BCR: variants seen among roughly 807,000 people sequenced by gnomAD.
The protein encoded by BCR is breakpoint cluster region protein.
In BCR, 58 loss-of-function variants were observed where a neutral mutation model predicts 138.6. The ratio of observed to expected loss-of-function variants is 0.42; its 90% CI spans 0.34 to 0.52. The LOEUF (loss-of-function observed/expected upper bound fraction) is 0.52, where lower values mean the gene tolerates loss of function less well. BCR is among the 20% of genes least tolerant of loss of function. The probability of loss-of-function intolerance (pLI) is 0.06; values close to 1 mark genes in which losing one functional copy is unlikely to be tolerated. For synonymous variants in BCR, 786 were observed against 730.1 expected, an observed-to-expected ratio of 1.08 and a Z score of -1.23; for missense variants, 1,599 against 1,727.2, an observed-to-expected ratio of 0.93 and a Z score of 1.32.
intron 1 of BCR, among the ~76,000 whole-genome samples, chr22:23,183,067 G>C (rs1045532153): frequency 6.6e-6 from 1 of 152,242 alleles, no homozygotes; most frequent in African/African-American, 2.4e-5. Flanking sequence ...ACCCACAGGT[G>C]CTTATTTGGG....
At position 23,217,808 on chromosome 22, in the gene BCR, G is replaced by A. The variant is rs188893401; in HGVS notation, c.1279+35569G>A. Among the ~76,000 whole-genome samples, 33 of 152,338 alleles carry A rather than the reference G, an allele frequency of 2.2e-4. No individual in the cohort carries two copies. The East Asian group carries it at 6.0e-3, about 28-fold the overall frequency. On this transcript the variant is annotated intron_variant, in intron 1 of 22. Coordinates refer to ENST00000305877, the MANE Select transcript of BCR (RefSeq NM_004327.4). ...CACTTTGCCTACGTGTGGGATGCTC[G>A]TGAGACCTGGAGGGAGGGCACTCCC... is the stretch of plus-strand genomic sequence containing the variant.
intron 8 of BCR, among the ~76,000 whole-genome samples, chr22:23,274,693 A>T (rs1431688639): frequency 6.6e-6 from 1 of 152,054 alleles, no homozygotes; most frequent in Non-Finnish European, 1.5e-5. Flanking sequence ...GTGGATCAGG[A>T]GGTCAAGAAT....
chr22:23,244,237 A>G (rs1234958910), intron 1 of BCR, among the ~76,000 whole-genome samples: 3 of 152,360 alleles, frequency 2.0e-5, no homozygotes, highest in East Asian at 3.9e-4. Flanking sequence ...GGGGGAATAG[A>G]AACACATCAT....
intron 1 of BCR, among the ~76,000 whole-genome samples, chr22:23,186,619 C>T (rs1445550278): frequency 1.3e-5 from 2 of 152,174 alleles, no homozygotes; most frequent in Non-Finnish European, 2.9e-5. Context: ...TTATAGATAC[C>T]TCATGTAAGT....
At chr22:23,206,941 TCCTCCCTCCCTC>T (rs933721388) in intron 1 of BCR, among the ~76,000 whole-genome samples, 1 of 29,972 alleles carries the variant, frequency 3.3e-5, no homozygotes, top group Non-Finnish European at 7.6e-5. Flanking sequence ...ATCCATTCAT[TCCTCCCTCCCTC>T]CCTCCCTCCC....
intron 5 of BCR, among the ~76,000 whole-genome samples, chr22:23,271,029 A>G (rs2073503917): frequency 6.6e-6 from 1 of 152,212 alleles, no homozygotes; most frequent in East Asian, 1.9e-4. Context: ...AGCCCCCTGC[A>G]TGCTGTCTAA....
At chr22:23,246,908 C>G (rs970333243) in intron 1 of BCR, among the ~76,000 whole-genome samples, 4 of 151,936 alleles carry the variant, frequency 2.6e-5, no homozygotes, top group African/African-American at 9.7e-5. Flanking sequence ...GATCCACAGC[C>G]CTTCTCGAGG....
intron 4 of BCR, among the ~76,000 whole-genome samples, chr22:23,262,400 C>G (rs1437434112): frequency 6.6e-6 from 1 of 152,224 alleles, no homozygotes; most frequent in Non-Finnish European, 1.5e-5. Context: ...CCCTGTGCTG[C>G]AGACCCCCAG....
intron 1 of BCR, among the ~76,000 whole-genome samples, chr22:23,192,050 T>C (rs1305591963): frequency 6.6e-6 from 1 of 152,148 alleles, no homozygotes; most frequent in Non-Finnish European, 1.5e-5. Flanking sequence ...CTGGTGCCCA[T>C]GGGCAGAGCA....
chr22:23,315,723 C>T lies in BCR; in HGVS notation c.*201C>T. 1.5e-6 allele frequency: 1 copy of T among 665,908 alleles called. No homozygotes were observed. The highest frequency in any genetic ancestry group is 2.7e-6 in the Non-Finnish European group (1 of 365,094). 41.2% of individuals were successfully genotyped at this position (665,908 alleles called of 1,614,324 possible). A position where few individuals can be genotyped will look rare whatever the true frequency, so the allele number is the denominator to read the frequency against. On this transcript the variant is annotated 3_prime_UTR_variant, in exon 23 of 23. Transcript: ENST00000305877. Reference sequence around the variant, plus strand: ...CCAGGTCTGGGAGCCCCAGGCTGGCCTCAGACTGTGGTTTTTTATGTGGCC... The same window carrying T: ...CCAGGTCTGGGAGCCCCAGGCTGGCTTCAGACTGTGGTTTTTTATGTGGCC...
intron 16 of BCR, chr22:23,307,665 C>T (rs1317436434): frequency 1.3e-5 from 2 of 151,978 alleles, no homozygotes; most frequent in Non-Finnish European, 2.9e-5. Flanking sequence ...CGCATGGCCC[C>T]CGGTGGGAGA....
intron 1 of BCR, among the ~76,000 whole-genome samples, chr22:23,189,646 G>T (rs1194968873): frequency 2.0e-5 from 3 of 152,012 alleles, no homozygotes; most frequent in African/African-American, 7.2e-5. Context: ...GATTACAGGC[G>T]CCTGCCATCA....
Position 23,208,012 on chromosome 22 carries a change from C to T in BCR, c.1279+25773C>T, listed in dbSNP as rs565500888. On this transcript the variant is annotated intron_variant, in intron 1 of 22. Transcript: ENST00000305877. ...CTGAGGCAGGTGTGCCCATCTGTACCCACCTTTGCTTTGGCTCATTGGCTC... is the reference window on the plus strand; with the variant it reads ...CTGAGGCAGGTGTGCCCATCTGTACTCACCTTTGCTTTGGCTCATTGGCTC... 2.0e-5 allele frequency among the ~76,000 whole-genome samples: 3 copies of T among 152,316 alleles called. No homozygotes were observed. In the South Asian group the frequency reaches 6.2e-4, roughly 32 times the overall value.
intron 16 of BCR, among the ~76,000 whole-genome samples, chr22:23,296,231 A>G (rs564392877): frequency 1.3e-5 from 2 of 151,884 alleles, no homozygotes; most frequent in South Asian, 2.1e-4. Context: ...AAAATTAGCC[A>G]GGCGTGGTGG....
intron 1 of BCR, among the ~76,000 whole-genome samples, chr22:23,213,956 G>T (rs2072718653): frequency 6.6e-6 from 1 of 152,166 alleles, no homozygotes; most frequent in African/African-American, 2.4e-5. Flanking sequence ...ATGCATGCCT[G>T]ATAATGGGTA....
In BCR at chr22:23,315,517, G is replaced by A; in HGVS notation, c.3811G>A (p.Val1271Ile). ...KRQSILFSTEV is the reference protein window; with the variant it reads ...KRQSILFSTEI ...ACAGAGCATCCTGTTCTCCACCGAA[G>A]TCTAAAGGTCCCAGTCCATCTCCTG... The change falls in exon 23 of 23, where the codon GTC becomes ATC. Residue 1271 changes from valine to isoleucine, a missense_variant. Physicochemically the swap from Val to Ile is conservative, Grantham distance 29 (BLOSUM62 3). Around this residue, in one of 4 missense-constraint regions of BCR, gnomAD observed 177 missense variants for 226.4 expected, o/e 0.78. Coordinates refer to ENST00000305877, the MANE Select transcript of BCR (RefSeq NM_004327.4). The A allele has an allele frequency of 6.2e-7, 1 of 1,612,166 alleles. No individual in the cohort carries two copies. The highest frequency in any genetic ancestry group is 2.2e-4 in the Middle Eastern group (1 of 4,606).
intron 1 of BCR, among the ~76,000 whole-genome samples, chr22:23,187,412 G>T (rs1318492819): frequency 6.6e-6 from 1 of 151,974 alleles, no homozygotes; most frequent in Non-Finnish European, 1.5e-5. Flanking sequence ...TTGACATTGG[G>T]GAGGAGGGGC....
chr22:23,238,055 G>A (rs998603657), intron 1 of BCR, among the ~76,000 whole-genome samples: 2 of 152,146 alleles, frequency 1.3e-5, no homozygotes, highest in Non-Finnish European at 2.9e-5. Flanking sequence ...CTCGCAGGGA[G>A]CGTGGGTGGA....
intron 1 of BCR, among the ~76,000 whole-genome samples, chr22:23,207,883 G>T (rs1221203890): frequency 2.0e-5 from 3 of 152,118 alleles, no homozygotes; most frequent in Non-Finnish European, 4.4e-5. Flanking sequence ...GTGTGCGACT[G>T]CCATAGGCCC....
Sources: allele counts gnomAD v4.1 joint callset (sites outside exome capture counted in the v4.1 genomes callset), GRCh38; gene constraint gnomAD v4.1.1; regional missense constraint gnomAD v4.1.1; transcripts MANE v1.5; gene names NCBI Gene and HGNC (gene_info 2026-07-23, HGNC 2026-07-21).